The following YY1 variants were observed in gnomAD, a reference collection of about 807,000 sequenced individuals.
YY1 encodes the protein YY1 transcription factor, also known as transcriptional repressor protein YY1.
In YY1, 2 loss-of-function variants were observed where a neutral mutation model predicts 35.6. The ratio of observed to expected loss-of-function variants is 0.06; its 90% CI spans 0.02 to 0.18. The LOEUF (loss-of-function observed/expected upper bound fraction) is 0.18, where lower values mean the gene tolerates loss of function less well. Ranked by LOEUF, YY1 falls within the 10% of genes least tolerant of loss-of-function variation. The pLI is 1.00. For synonymous variants in YY1, 268 were observed against 238.9 expected, an observed-to-expected ratio of 1.12 and a Z score of -1.12; for missense variants, 322 against 573.4, an observed-to-expected ratio of 0.56 and a Z score of 4.48.
intron 2 of YY1, among the ~76,000 whole-genome samples, chr14:100,262,993 C>T (rs552596349): frequency 1.4e-4 from 22 of 152,264 alleles, no homozygotes; most frequent in Admixed American, 6.5e-4. Context: ...CTGCAACCTC[C>T]ACCTCCCTGG....
chr14:100,263,833 C>T (rs763566393), intron 2 of YY1: 4 of 152,012 alleles, frequency 2.6e-5, no homozygotes, highest in East Asian at 1.9e-4. Flanking sequence ...ACCTGGAGCT[C>T]GTTTCCCCAC....
chr14:100,272,965 G>GTTGT (rs1555370719), intron 2 of YY1, among the ~76,000 whole-genome samples: 59 of 127,698 alleles, frequency 4.6e-4, no homozygotes, highest in Non-Finnish European at 8.9e-4. Context: ...TTTTTTTTTT[G>GTTGT]TTTTTTTTTT....
At chr14:100,244,444 C>T (rs1198932779) in intron 1 of YY1, among the ~76,000 whole-genome samples, 1 of 146,904 alleles carries the variant, frequency 6.8e-6, no homozygotes, top group African/African-American at 2.5e-5. Context: ...CCATGCCTGG[C>T]TAATTTTGTT....
rs1237081802 is a variant in YY1 at position 100,239,466 on chromosome 14, C to T, written c.222C>T (p.His74=). Residue 74 remains histidine, a synonymous_variant, in exon 1 of 5, where the codon CAC becomes CAT. Transcript: ENST00000262238. The part of the protein sequence containing the change: ...GHGHAGHHHH[H]HHHHHHPPMI... ...GGCACGCCGGCCACCACCACCACCA[C>T]CATCACCACCACCACCACCCGCCCA... The T allele has an allele frequency of 6.3e-6, 10 of 1,598,114 alleles. No individual in the cohort carries two copies. The highest frequency in any genetic ancestry group is 1.1e-5 in the South Asian group (1 of 90,336).
intron 1 of YY1, among the ~76,000 whole-genome samples, chr14:100,261,561 C>T (rs2139588931): frequency 1.3e-5 from 2 of 152,300 alleles, no homozygotes; most frequent in East Asian, 3.9e-4. Flanking sequence ...GGGATCAAAA[C>T]TGACCAACCT....
At chr14:100,245,169 C>G (rs1256994045) in intron 1 of YY1, among the ~76,000 whole-genome samples, 2 of 151,830 alleles carry the variant, frequency 1.3e-5, no homozygotes, top group Non-Finnish European at 2.9e-5. Context: ...ATCTCCTGAC[C>G]TCGTGATCCG....
At chr14:100,274,667 ATCTG>A (rs748686978) in intron 2 of YY1, 27 bp from the exon 3 acceptor site, 129 of 1,602,468 alleles carry the variant, frequency 8.1e-5, no homozygotes, top group South Asian at 3.2e-4. Context: ...ACTCCTACAA[ATCTG>A]TCTGTCTCTC....
intron 1 of YY1, among the ~76,000 whole-genome samples, chr14:100,254,067 C>T (rs1218850062): frequency 2.0e-5 from 3 of 151,964 alleles, no homozygotes; most frequent in African/African-American, 7.3e-5. Flanking sequence ...AACTCCTGAC[C>T]TCAGGTGATC....
chr14:100,246,467 G>A (rs527569731), intron 1 of YY1, among the ~76,000 whole-genome samples: 36 of 152,300 alleles, frequency 2.4e-4, no homozygotes, highest in African/African-American at 7.0e-4. Context: ...GGACCTTGTG[G>A]GGATGTGGGG....
rs1346667862 is a variant in YY1, at chr14:100,239,625, C to T, written c.381C>T (p.Phe127=). The change falls in exon 1 of 5, where the codon TTC becomes TTT. Residue 127 remains phenylalanine (F), a synonymous_variant. Transcript: ENST00000262238. The part of the protein sequence containing the change: ...DSDGLRAEDG[F]EDQILIPVPA... ...ACGGGCTGCGCGCCGAGGACGGCTTCGAGGATCAGATTCTCATCCCGGTGC... is the reference window on the plus strand; with the variant it reads ...ACGGGCTGCGCGCCGAGGACGGCTTTGAGGATCAGATTCTCATCCCGGTGC... 5.6e-6 allele frequency: 9 copies of T among 1,611,392 alleles called. No homozygotes were observed. Among genetic ancestry groups the T allele is most frequent in the Non-Finnish European group, 7.6e-6 (9 of 1,179,540 alleles).
chr14:100,243,432 A>G (rs1264769386), intron 1 of YY1, among the ~76,000 whole-genome samples: 1 of 152,174 alleles, frequency 6.6e-6, no homozygotes, highest in Non-Finnish European at 1.5e-5. Context: ...GTCCTTATAA[A>G]AATAGTTGTA....
chr14:100,273,031 G>A (rs1476365917), intron 2 of YY1, among the ~76,000 whole-genome samples: 3 of 144,670 alleles, frequency 2.1e-5, no homozygotes, highest in Admixed American at 7.2e-5. Flanking sequence ...GCACGATCCC[G>A]GCTCACGGCA....
In YY1 at chr14:100,276,734, G is replaced by A. The variant is rs1891324651; in HGVS notation, c.1062+86G>A. The A allele has an allele frequency of 5.6e-6, 9 of 1,596,142 alleles. No individual in the cohort carries two copies. The highest frequency in any genetic ancestry group is 1.8e-4 in the Middle Eastern group (1 of 5,460). ...GTGGTGTGGTGATGAGGCAGGAGGC[G>A]CCAGCCCAGAGACTCAGGGTCTTAT... On this transcript the variant is annotated intron_variant, in intron 4 of 4. Transcript: ENST00000262238. This position sits in a 1 kb window ranked among gnomAD's most constrained non-coding sequence, Gnocchi z 4.1.
intron 2 of YY1, among the ~76,000 whole-genome samples, chr14:100,268,139 G>A (rs911061190): frequency 1.3e-5 from 2 of 152,194 alleles, no homozygotes; most frequent in Non-Finnish European, 2.9e-5. Context: ...CATTAGAGCC[G>A]CAGCTGTTGG....
chr14:100,241,417 A>G (rs1290426705), intron 1 of YY1, among the ~76,000 whole-genome samples: 1 of 152,208 alleles, frequency 6.6e-6, no homozygotes, highest in Non-Finnish European at 1.5e-5. Context: ...GAAAGCCTCA[A>G]GATGAGACAA....
At chr14:100,267,163 G>C (rs996467381) in intron 2 of YY1, among the ~76,000 whole-genome samples, 1 of 152,166 alleles carries the variant, frequency 6.6e-6, no homozygotes, top group African/African-American at 2.4e-5. Flanking sequence ...ATGAAAAGGG[G>C]TGAGGGAGTA....
At chr14:100,254,775 ATTTT>A (rs1196714660) in intron 1 of YY1, among the ~76,000 whole-genome samples, 2 of 144,380 alleles carry the variant, frequency 1.4e-5, no homozygotes, top group African/African-American at 5.3e-5. Context: ...TTATTTATTT[ATTTT>A]TTTTTTTTTT....
At chr14:100,271,850 C>T (rs1288855909) in intron 2 of YY1, among the ~76,000 whole-genome samples, 2 of 151,974 alleles carry the variant, frequency 1.3e-5, no homozygotes, top group African/African-American at 4.8e-5. Context: ...TGCTTTCTTG[C>T]CCAGGCTGTT....
chr14:100,244,786 T>C (rs1261336933), intron 1 of YY1, among the ~76,000 whole-genome samples: 3 of 152,010 alleles, frequency 2.0e-5, no homozygotes, highest in Admixed American at 1.3e-4. Flanking sequence ...GGTGTCAAAC[T>C]CCTGGGCTCC....
Sources: allele counts gnomAD v4.1 joint callset (sites outside exome capture counted in the v4.1 genomes callset), GRCh38; gene constraint gnomAD v4.1.1; non-coding constraint Gnocchi (gnomAD v3.1); transcripts MANE v1.5; gene names NCBI Gene and HGNC (gene_info 2026-07-23, HGNC 2026-07-21).